The following LINGO2 variants were observed in gnomAD, a reference collection of about 807,000 sequenced individuals.
The protein encoded by LINGO2 is leucine rich repeat and Ig domain containing 2, also known as leucine-rich repeat and immunoglobulin-like domain-containing nogo receptor-interacting protein 2.
A neutral mutation model predicts 30.6 loss-of-function variants in LINGO2; 14 were observed. That is an observed-to-expected ratio of 0.46 (90% CI 0.30 to 0.72). LINGO2 has a LOEUF of 0.72. Ranked by LOEUF, LINGO2 falls within the 30% of genes least tolerant of loss-of-function variation. The probability of loss-of-function intolerance (pLI) is 0.07; values close to 1 mark genes in which losing one functional copy is unlikely to be tolerated. For synonymous variants in LINGO2, 317 were observed against 288.5 expected, an observed-to-expected ratio of 1.10 and a Z score of -1.00; for missense variants, 729 against 751.7, an observed-to-expected ratio of 0.97 and a Z score of 0.35.
chr9:28,418,888 G>C (rs1451922255), intron 2 of LINGO2, among the ~76,000 whole-genome samples: 1 of 151,918 alleles, frequency 6.6e-6, no homozygotes, highest in African/African-American at 2.4e-5. Flanking sequence ...TGAAAATGTG[G>C]AATGAATATT....
At chr9:28,167,255 G>T (rs1013278290) in intron 4 of LINGO2, among the ~76,000 whole-genome samples, 22 of 151,238 alleles carry the variant, frequency 1.5e-4, no homozygotes, top group African/African-American at 5.1e-4. Context: ...CTCTGTTAGG[G>T]ATCCCCATTT....
At chr9:28,902,584 G>T in the LINGO2 span, among the ~76,000 whole-genome samples, 6 of 152,184 alleles carry the variant, frequency 3.9e-5, no homozygotes, top group African/African-American at 1.4e-4. Context: ...CAGAATAAAT[G>T]TTCTTCTCAA....
chr9:28,017,825 T>G (rs748183509), intron 4 of LINGO2, among the ~76,000 whole-genome samples: 3 of 152,106 alleles, frequency 2.0e-5, no homozygotes, highest in Non-Finnish European at 4.4e-5. Context: ...AAACTACCAA[T>G]GACATTCTTC....
At chr9:28,539,915 A>G (rs921421097) in intron 1 of LINGO2, among the ~76,000 whole-genome samples, 1 of 152,020 alleles carries the variant, frequency 6.6e-6, no homozygotes, top group Non-Finnish European at 1.5e-5. Context: ...CTGGTAAACA[A>G]TATGAGATCC....
intron 3 of LINGO2, among the ~76,000 whole-genome samples, chr9:28,333,334 G>A (rs1157885919): frequency 6.6e-6 from 1 of 152,052 alleles, no homozygotes; most frequent in Non-Finnish European, 1.5e-5. Context: ...TCAGTGTAAG[G>A]GTAATGTAGG....
intron 4 of LINGO2, among the ~76,000 whole-genome samples, chr9:28,052,044 G>A (rs1026111433): frequency 5.9e-5 from 9 of 152,096 alleles, no homozygotes; most frequent in African/African-American, 1.7e-4. Context: ...TGCTCTCTGC[G>A]TTCTTATCAC....
At chr9:28,348,314 G>A (rs186691801) in intron 3 of LINGO2, among the ~76,000 whole-genome samples, 13 of 152,088 alleles carry the variant, frequency 8.5e-5, no homozygotes, top group African/African-American at 2.9e-4. Context: ...GCCAAAGCAG[G>A]GCGAGGCATT....
rs1298440658 is a variant in LINGO2, at chr9:28,352,604, C to T, written c.-246+20232G>A. Among the ~76,000 whole-genome samples, 3 of 138,048 alleles carry T rather than the reference C, an allele frequency of 2.2e-5. 1 individual carries two copies. The highest frequency in any genetic ancestry group is 7.5e-5 in the Admixed American group (1 of 13,302). The allele number at this position is 138,048 out of a possible 152,430, so 90.6% of individuals were successfully genotyped here. A position where few individuals can be genotyped will look rare whatever the true frequency, so the allele number is the denominator to read the frequency against. On this transcript the variant is annotated intron_variant, in intron 3 of 5. Coordinates refer to ENST00000379992, the Ensembl canonical transcript of LINGO2. Reference sequence around the variant, plus strand: ...AGGTAATTTACATATTCAATGCCATCCCCATCAAGCTACCAATGACTTTCT... The same window carrying T: ...AGGTAATTTACATATTCAATGCCATTCCCATCAAGCTACCAATGACTTTCT...
chr9:28,901,712 T>C, the LINGO2 span, among the ~76,000 whole-genome samples: 1 of 149,754 alleles, frequency 6.7e-6, no homozygotes, highest in Admixed American at 6.7e-5. Flanking sequence ...AGATAAACCA[T>C]GAATAAAAAG....
chr9:28,243,796 C>T (rs571386026), intron 4 of LINGO2, among the ~76,000 whole-genome samples: 66 of 152,176 alleles, frequency 4.3e-4, no homozygotes, highest in African/African-American at 1.5e-3. Context: ...TATATATGCA[C>T]CCAATACAAG....
At chr9:29,182,813 A>G in the LINGO2 span, among the ~76,000 whole-genome samples, 2 of 152,180 alleles carry the variant, frequency 1.3e-5, no homozygotes, top group Non-Finnish European at 2.9e-5. Context: ...TTTCAACAAA[A>G]TAGTGTAACT....
At chr9:29,042,551 T>C in the LINGO2 span, among the ~76,000 whole-genome samples, 1 of 152,006 alleles carries the variant, frequency 6.6e-6, no homozygotes, top group African/African-American at 2.4e-5. Context: ...TTTTTTTCAT[T>C]AAAAATGTAT....
At chr9:28,622,110 A>T (rs964817828) in intron 1 of LINGO2, among the ~76,000 whole-genome samples, 4 of 152,228 alleles carry the variant, frequency 2.6e-5, no homozygotes, top group African/African-American at 9.6e-5. Flanking sequence ...CATAATAATC[A>T]TAGCAAATGA....
intron 4 of LINGO2, among the ~76,000 whole-genome samples, chr9:28,069,946 T>C (rs1028122464): frequency 3.3e-5 from 5 of 152,148 alleles, no homozygotes; most frequent in African/African-American, 1.2e-4. Context: ...TGCACAAATA[T>C]ACAACAGAGC....
rs376768964 is a variant in LINGO2 at position 28,367,078 on chromosome 9, T to C, written c.-246+5758A>G. On this transcript the variant is annotated intron_variant, in intron 3 of 5. Transcript: ENST00000379992. ...GACACATATACATTTATCTTCTCTA[T>C]ATAGTTGTATTATAATTTTGGTTAA... 7.2e-4 allele frequency among the ~76,000 whole-genome samples: 110 copies of C among 151,916 alleles called. No homozygotes were observed. The South Asian group carries it at 0.022, about 31-fold the overall frequency.
At chr9:27,961,027 G>C (rs1819818549) in intron 5 of LINGO2, among the ~76,000 whole-genome samples, 1 of 152,086 alleles carries the variant, frequency 6.6e-6, no homozygotes, top group African/African-American at 2.4e-5. Flanking sequence ...AAAGCAATAT[G>C]CATTCAGCAG....
intron 4 of LINGO2, among the ~76,000 whole-genome samples, chr9:28,047,464 T>G (rs1426236659): frequency 6.9e-6 from 1 of 144,614 alleles, no homozygotes; most frequent in East Asian, 2.1e-4. Flanking sequence ...AACTTTTTAT[T>G]CAACATTTTC....
chr9:29,128,713 T>C, the LINGO2 span, among the ~76,000 whole-genome samples: 10,382 of 152,162 alleles, frequency 0.068, 395 homozygotes, highest in Non-Finnish European at 0.092. Context: ...ATTGTAACCA[T>C]GTAAAACCAG....
the LINGO2 span, chr9:27,941,011 T>C: frequency 6.6e-6 from 1 of 152,236 alleles, no homozygotes; most frequent in Admixed American, 6.5e-5. Flanking sequence ...CCCTTTGTTT[T>C]AGTCTTACTG....
Sources: gnomAD v4.1 joint callset for allele counts (sites outside exome capture counted in the v4.1 genomes callset) on GRCh38, gnomAD v4.1.1 for gene constraint, MANE v1.5 for transcripts, NCBI Gene and HGNC (gene_info 2026-07-23, HGNC 2026-07-21) for gene names.